The following CCNY variants were observed in gnomAD, a reference collection of about 807,000 sequenced individuals.
The protein encoded by CCNY is cyclin-Y.
In CCNY, 19 loss-of-function variants were observed where a neutral mutation model predicts 42.8. That is an observed-to-expected ratio of 0.44 (90% CI 0.31 to 0.65). The LOEUF (loss-of-function observed/expected upper bound fraction) is 0.65. CCNY is among the 30% of genes least tolerant of loss of function. The pLI is 0.07. For synonymous variants in CCNY, 165 were observed against 162.7 expected (o/e 1.01, Z -0.11); for missense variants, 370 against 437.3 (o/e 0.85, Z 1.37).
chr10:35,334,462 C>T (rs1835985803), upstream of CCNY, among the ~76,000 whole-genome samples: 1 of 152,172 alleles, frequency 6.6e-6, no homozygotes, highest in Non-Finnish European at 1.5e-5. Flanking sequence ...TCCATAGCCC[C>T]AGACAATCTG....
At chr10:35,351,781 C>G (rs1471487457) in intron 1 of CCNY, among the ~76,000 whole-genome samples, 14 of 152,150 alleles carry the variant, frequency 9.2e-5, no homozygotes, top group Admixed American at 9.2e-4. Context: ...GGGTAACTAG[C>G]TAATTATTAG....
chr10:35,520,401 T>TA (rs2135412795), intron 4 of CCNY, among the ~76,000 whole-genome samples: 1 of 152,294 alleles, frequency 6.6e-6, no homozygotes, highest in East Asian at 1.9e-4. Context: ...TGCCTCCCGT[T>TA]AACCCAGGTC....
At chr10:35,534,937 C>T (rs1015958769) in intron 7 of CCNY, among the ~76,000 whole-genome samples, 1 of 147,486 alleles carries the variant, frequency 6.8e-6, no homozygotes. Context: ...AATAATATTC[C>T]ATTGAGTGGG....
At chr10:35,386,208 C>A (rs1175768319) in intron 1 of CCNY, among the ~76,000 whole-genome samples, 2 of 152,172 alleles carry the variant, frequency 1.3e-5, no homozygotes, top group Non-Finnish European at 2.9e-5. Flanking sequence ...GTGAATTTAT[C>A]TTTTTTAAAT....
At chr10:35,271,358 C>T (rs1277400737) in intron 3 of CCNY, among the ~76,000 whole-genome samples, 1 of 152,164 alleles carries the variant, frequency 6.6e-6, no homozygotes, top group East Asian at 1.9e-4. Flanking sequence ...TTAAAAACTT[C>T]AGGGGGAGCC....
At chr10:35,383,763 A>G (rs936196364) in intron 1 of CCNY, among the ~76,000 whole-genome samples, 1 of 152,190 alleles carries the variant, frequency 6.6e-6, no homozygotes, top group Admixed American at 6.5e-5. Context: ...TTGTTTTAAC[A>G]TAATAGTCCT....
chr10:35,331,331 T>C (rs1440716130), intron 3 of CCNY, among the ~76,000 whole-genome samples: 1 of 152,192 alleles, frequency 6.6e-6, no homozygotes, highest in African/African-American at 2.4e-5. Flanking sequence ...TATATACCAT[T>C]TCTCTTCTTG....
rs113465402 is a variant in CCNY at position 35,503,006 on chromosome 10, G to A, written c.264+1471G>A. Among the ~76,000 whole-genome samples, 515 of 152,196 alleles carry A rather than the reference G, an allele frequency of 3.4e-3. 4 individuals are homozygous for A. Among genetic ancestry groups the A allele is most frequent in the African/African-American group, 0.012 (483 of 41,524 alleles). On this transcript the variant is annotated intron_variant, in intron 3 of 9. Coordinates refer to ENST00000374704, the MANE Select transcript of CCNY (RefSeq NM_145012.6). ...AAAGAGGAGGATAGGAGTTTGTGTC[G>A]CTCTGTTATCATTGTAGCTGATGAT...
intron 1 of CCNY, among the ~76,000 whole-genome samples, chr10:35,415,744 G>A (rs1167669742): frequency 6.6e-6 from 1 of 152,122 alleles, no homozygotes; most frequent in African/African-American, 2.4e-5. Flanking sequence ...TGAGGTTTGG[G>A]GGAGATTGGG....
At chr10:35,469,765 GAGAC>G (rs1420763341) in intron 1 of CCNY, among the ~76,000 whole-genome samples, 6 of 151,396 alleles carry the variant, frequency 4.0e-5, no homozygotes, top group Admixed American at 2.0e-4. Flanking sequence ...GGAAGATGGA[GAGAC>G]AGACAGGGAG....
chr10:35,538,236 A>G (rs1475760885), intron 7 of CCNY, among the ~76,000 whole-genome samples: 1 of 152,144 alleles, frequency 6.6e-6, no homozygotes, highest in Non-Finnish European at 1.5e-5. Context: ...TCTTTTGTAG[A>G]TTGCCCAGTC....
chr10:35,438,664 T>C (rs1838597002), intron 1 of CCNY, among the ~76,000 whole-genome samples: 1 of 152,228 alleles, frequency 6.6e-6, no homozygotes, highest in Non-Finnish European at 1.5e-5. Context: ...ACAGTAGACA[T>C]TGTTACACTG....
chr10:35,482,624 AT>A (rs1839693066), intron 1 of CCNY, among the ~76,000 whole-genome samples: 1 of 152,146 alleles, frequency 6.6e-6, no homozygotes, highest in South Asian at 2.1e-4. Flanking sequence ...CTGGAGTCTT[AT>A]GTCCCATAAG....
At chr10:35,263,720 G>C (rs7901681) in intron 3 of CCNY, among the ~76,000 whole-genome samples, 56,324 of 152,044 alleles carry the variant, frequency 0.37, 11,025 homozygotes, top group African/African-American at 0.5. Context: ...TACATGTGCA[G>C]GATGTGCAGA....
intron 1 of CCNY, among the ~76,000 whole-genome samples, chr10:35,406,307 G>A (rs1837765774): frequency 1.3e-5 from 2 of 150,716 alleles, no homozygotes. Context: ...CAGGACAATA[G>A]TGGAGGGAAG....
At chr10:35,319,808 G>A (rs1835801083) in intron 3 of CCNY, among the ~76,000 whole-genome samples, 1 of 152,030 alleles carries the variant, frequency 6.6e-6, no homozygotes, top group Non-Finnish European at 1.5e-5. Flanking sequence ...AAATTAGCTG[G>A]GCATGGTGGT....
chr10:35,298,006 GAA>G (rs56705492), intron 3 of CCNY, among the ~76,000 whole-genome samples: 1 of 128,894 alleles, frequency 7.8e-6, no homozygotes. Context: ...AAGTTCTTAT[GAA>G]AAAAAAAAAA....
chr10:35,509,665 T>C (rs1049390831), intron 3 of CCNY, among the ~76,000 whole-genome samples: 5 of 152,176 alleles, frequency 3.3e-5, no homozygotes, highest in African/African-American at 1.2e-4. Context: ...CTTTTTGTCT[T>C]TGTGTCTCTG....
At chr10:35,406,836 GGGGCGGCTGGCC>G (rs915637655) in intron 1 of CCNY, among the ~76,000 whole-genome samples, 1 of 152,042 alleles carries the variant, frequency 6.6e-6, no homozygotes, top group African/African-American at 2.4e-5. Context: ...CCTCCCGGAT[GGGGCGGCTGGCC>G]GGGCGGGGGG....
Sources: gnomAD v4.1 joint callset for allele counts (sites outside exome capture counted in the v4.1 genomes callset) on GRCh38, gnomAD v4.1.1 for gene constraint, MANE v1.5 for transcripts, NCBI Gene and HGNC (gene_info 2026-07-23, HGNC 2026-07-21) for gene names.